SLC9A9: variants seen among roughly 807,000 people sequenced by gnomAD.
The protein encoded by SLC9A9 is sodium/hydrogen exchanger 9.
Under a neutral mutation model 77.8 loss-of-function variants are expected in SLC9A9, and 62 were observed. The observed-to-expected ratio is 0.80, with a 90% confidence interval of 0.65 to 0.98. SLC9A9 has a LOEUF of 0.98. SLC9A9 is among the 50% of genes least tolerant of loss of function. The pLI is 0.00. For missense variants in SLC9A9, 775 were observed against 774.9 expected (o/e 1.00, Z 0.00); for synonymous variants, 320 against 283.5 (o/e 1.13, Z -1.29).
At chr3:143,767,447 T>C (rs2007362864) in intron 4 of SLC9A9, among the ~76,000 whole-genome samples, 1 of 151,606 alleles carries the variant, frequency 6.6e-6, no homozygotes, top group Non-Finnish European at 1.5e-5. Context: ...CCACATTAAC[T>C]GTTTGTTTGT....
intron 4 of SLC9A9, among the ~76,000 whole-genome samples, chr3:143,700,559 C>T (rs1038012635): frequency 6.6e-6 from 1 of 152,180 alleles, no homozygotes; most frequent in Non-Finnish European, 1.5e-5. Flanking sequence ...TAGTGGTGAC[C>T]ATGGGGTGAG....
At chr3:143,369,110 A>G (rs2032984228) in intron 13 of SLC9A9, among the ~76,000 whole-genome samples, 1 of 152,194 alleles carries the variant, frequency 6.6e-6, no homozygotes, top group South Asian at 2.1e-4. Flanking sequence ...AGACTACCAG[A>G]TGGGCTTGGC....
chr3:143,456,685 C>T (rs1244180253), intron 12 of SLC9A9, among the ~76,000 whole-genome samples: 2 of 151,970 alleles, frequency 1.3e-5, no homozygotes, highest in Non-Finnish European at 1.5e-5. Context: ...CTGCCTCAGC[C>T]TCCCGAGTAG....
chr3:143,505,205 C>G (rs559447698), intron 9 of SLC9A9, among the ~76,000 whole-genome samples: 1 of 152,196 alleles, frequency 6.6e-6, no homozygotes, highest in East Asian at 1.9e-4. Flanking sequence ...AAGCCAACCC[C>G]TCCTACACTC....
chr3:143,479,060 G>T (rs1388890042), intron 11 of SLC9A9, among the ~76,000 whole-genome samples: 1 of 152,134 alleles, frequency 6.6e-6, no homozygotes, highest in Non-Finnish European at 1.5e-5. Context: ...TCAGAGGCTG[G>T]CATGTTCCTG....
intron 12 of SLC9A9, among the ~76,000 whole-genome samples, chr3:143,390,117 G>A (rs931572854): frequency 6.6e-6 from 1 of 152,184 alleles, no homozygotes; most frequent in Non-Finnish European, 1.5e-5. Context: ...AAGGATTCAT[G>A]CAACATTCCT....
chr3:143,422,561 A>G (rs1372387552), intron 12 of SLC9A9, among the ~76,000 whole-genome samples: 1 of 152,164 alleles, frequency 6.6e-6, no homozygotes, highest in South Asian at 2.1e-4. Context: ...ACATAGACAT[A>G]AAGATGGGAA....
At chr3:143,658,143 A>G (rs1049689473) in intron 5 of SLC9A9, among the ~76,000 whole-genome samples, 1 of 152,218 alleles carries the variant, frequency 6.6e-6, no homozygotes, top group Non-Finnish European at 1.5e-5. Flanking sequence ...CTGGGATTAC[A>G]GCATGAGCCA....
chr3:143,306,777 C>A (rs544797146), intron 14 of SLC9A9, among the ~76,000 whole-genome samples: 2 of 152,332 alleles, frequency 1.3e-5, no homozygotes, highest in African/African-American at 4.8e-5. Context: ...ATGCCTATGG[C>A]TTCCTTAGCA....
intron 5 of SLC9A9, among the ~76,000 whole-genome samples, chr3:143,688,317 C>A (rs538784085): frequency 6.5e-4 from 99 of 152,076 alleles, no homozygotes; most frequent in African/African-American, 2.3e-3. Context: ...GGGGCATCAC[C>A]TGCCACGGAA....
rs2008344348 is a variant in SLC9A9 at position 143,795,169 on chromosome 3, C to T, written c.457-92G>A. The T allele has an allele frequency of 1.8e-5, 23 of 1,250,510 alleles. No homozygotes were observed. The South Asian group carries it at 2.7e-4, about 15-fold the overall frequency. 77.5% of individuals were successfully genotyped at this position (1,250,510 alleles called of 1,614,324 possible). ...AATAAATGTATGCAGTTCACAGACC[C>T]CTCACTGTTTAGGCAAATTTTGGTT... On this transcript the variant is annotated intron_variant, in intron 3 of 15. Transcript: ENST00000316549.
At chr3:143,390,050 G>T (rs1402560567) in intron 12 of SLC9A9, among the ~76,000 whole-genome samples, 1 of 152,166 alleles carries the variant, frequency 6.6e-6, no homozygotes, top group Non-Finnish European at 1.5e-5. Context: ...TGCTTTGCTA[G>T]GTCCATTTTT....
chr3:143,609,411 A>G (rs572064246), intron 6 of SLC9A9, among the ~76,000 whole-genome samples: 1 of 152,208 alleles, frequency 6.6e-6, no homozygotes, highest in Admixed American at 6.5e-5. Flanking sequence ...ATACTTTTTC[A>G]ATTACATTTA....
At chr3:143,493,969 C>T (rs2035792431) in intron 10 of SLC9A9, among the ~76,000 whole-genome samples, 1 of 152,180 alleles carries the variant, frequency 6.6e-6, no homozygotes, top group Admixed American at 6.5e-5. Context: ...AGAACTCTGC[C>T]TTTCTTTGAT....
chr3:143,787,700 G>A (rs1354254928), intron 4 of SLC9A9, among the ~76,000 whole-genome samples: 1 of 152,116 alleles, frequency 6.6e-6, no homozygotes, highest in African/African-American at 2.4e-5. Flanking sequence ...AATAGAATCT[G>A]AGTGTTTCCA....
Position 143,847,890 on chromosome 3 carries a change from G to A in SLC9A9, c.175+258C>T, listed in dbSNP as rs989736316. The A allele has an allele frequency of 1.3e-5, 7 of 532,354 alleles. No individual in the cohort carries two copies. The African/African-American group carries it at 1.3e-4, about 10-fold the overall frequency. 33.0% of individuals were successfully genotyped at this position (532,354 alleles called of 1,614,324 possible). On this transcript the variant is annotated intron_variant, in intron 1 of 15. Coordinates refer to ENST00000316549, the MANE Select transcript of SLC9A9 (RefSeq NM_173653.4). ...CGCCCTCGACTCCCCACATGACAAT[G>A]GACCCGCATCTGTCAACAGACTTGC... is the stretch of plus-strand genomic sequence containing the variant.
chr3:143,660,794 C>T (rs1250649369), intron 5 of SLC9A9, among the ~76,000 whole-genome samples: 1 of 152,176 alleles, frequency 6.6e-6, no homozygotes, highest in African/African-American at 2.4e-5. Context: ...ACAGCTCTCC[C>T]TCCCCTTATC....
intron 6 of SLC9A9, among the ~76,000 whole-genome samples, chr3:143,580,028 C>G (rs1051479548): frequency 1.3e-5 from 2 of 152,146 alleles, no homozygotes; most frequent in Non-Finnish European, 2.9e-5. Context: ...TTGAATGAAG[C>G]CTTGAAATGT....
intron 7 of SLC9A9, among the ~76,000 whole-genome samples, chr3:143,575,340 A>G (rs988133624): frequency 2.0e-5 from 3 of 152,190 alleles, no homozygotes; most frequent in African/African-American, 7.2e-5. Flanking sequence ...ATTCACTTGG[A>G]CACATCTCTT....
Sources: allele counts gnomAD v4.1 joint callset (sites outside exome capture counted in the v4.1 genomes callset), GRCh38; gene constraint gnomAD v4.1.1; transcripts MANE v1.5; gene names NCBI Gene and HGNC (gene_info 2026-07-23, HGNC 2026-07-21).